PRKCE: variants seen among roughly 807,000 people sequenced by gnomAD.
PRKCE encodes the protein protein kinase C epsilon, also known as protein kinase C epsilon type.
A neutral mutation model predicts 85.4 loss-of-function variants in PRKCE; 16 were observed. The ratio of observed to expected loss-of-function variants is 0.19; its 90% CI spans 0.13 to 0.28. The LOEUF (loss-of-function observed/expected upper bound fraction) is 0.28. Among genes scored for constraint, PRKCE ranks in the 10% least tolerant of loss-of-function variants. The pLI, the probability that PRKCE is intolerant of heterozygous loss-of-function variation, is 1.00. For synonymous variants in PRKCE, 388 were observed against 371.5 expected (o/e 1.04, Z -0.51); for missense variants, 573 against 975.2 (o/e 0.59, Z 5.49).
intron 2 of PRKCE, among the ~76,000 whole-genome samples, chr2:45,965,724 CTTA>C (rs1368274593): frequency 6.6e-6 from 1 of 152,216 alleles, no homozygotes; most frequent in Non-Finnish European, 1.5e-5. Flanking sequence ...GGATGAATAG[CTTA>C]TTATATACCC....
intron 10 of PRKCE, among the ~76,000 whole-genome samples, chr2:46,023,758 C>G (rs919014291): frequency 6.6e-6 from 1 of 152,074 alleles, no homozygotes; most frequent in East Asian, 1.9e-4. Context: ...CAGAACTGTG[C>G]CCCCCACTGC....
chr2:45,932,077 C>A (rs1287437369), intron 2 of PRKCE, among the ~76,000 whole-genome samples: 2 of 152,180 alleles, frequency 1.3e-5, no homozygotes, highest in East Asian at 1.9e-4. Context: ...AGAACATGGC[C>A]AGCCCCCTCC....
intron 1 of PRKCE, among the ~76,000 whole-genome samples, chr2:45,766,510 C>T (rs951740986): frequency 5.3e-5 from 8 of 152,020 alleles, no homozygotes; most frequent in African/African-American, 1.9e-4. Flanking sequence ...AATGGGGACA[C>T]GGAGACAGAG....
rs573787990 is a variant in PRKCE at position 45,703,829 on chromosome 2, A to T, written c.348+51381A>T. ...CTATCTTTAACTATGCAGCCTGTTC[A>T]CTCATAACAAAAAAATTCCTATTCT... is the stretch of plus-strand genomic sequence containing the variant. On this transcript the variant is annotated intron_variant, in intron 1 of 14. Transcript: ENST00000306156. Among the ~76,000 whole-genome samples the T allele has an allele frequency of 5.9e-5, 9 of 152,252 alleles. No homozygotes were observed. The South Asian group carries it at 1.7e-3, about 28-fold the overall frequency.
intron 1 of PRKCE, among the ~76,000 whole-genome samples, chr2:45,814,645 C>T (rs1422722724): frequency 6.6e-6 from 1 of 152,244 alleles, no homozygotes; most frequent in Non-Finnish European, 1.5e-5. Context: ...ACCAATTCTC[C>T]TGGGGTCTGT....
At chr2:45,885,423 G>A (rs563891457) in intron 2 of PRKCE, among the ~76,000 whole-genome samples, 29 of 152,214 alleles carry the variant, frequency 1.9e-4, no homozygotes, top group African/African-American at 6.7e-4. Context: ...ATTTATATTC[G>A]CAGCCCATTC....
At chr2:45,703,266 G>A (rs1226966367) in intron 1 of PRKCE, among the ~76,000 whole-genome samples, 2 of 152,064 alleles carry the variant, frequency 1.3e-5, no homozygotes, top group Non-Finnish European at 2.9e-5. Context: ...TGGGTGTGGT[G>A]GCTCACATCT....
rs72870768 is a variant in PRKCE, at chr2:45,814,886, G to C, written c.349-28114G>C. Among the ~76,000 whole-genome samples the C allele has an allele frequency of 7.7e-3, 1,179 of 152,286 alleles. 17 individuals are homozygous for C. Among genetic ancestry groups the C allele is most frequent in the African/African-American group, 0.027 (1,130 of 41,554 alleles). Reference sequence around the variant, plus strand: ...GCCCTTATTAGGAGAAGAGACCCAAGAAGGGTCCCGTGCTTTGGAGGCTGT... The same window carrying C: ...GCCCTTATTAGGAGAAGAGACCCAACAAGGGTCCCGTGCTTTGGAGGCTGT... On this transcript the variant is annotated intron_variant, in intron 1 of 14. Coordinates refer to ENST00000306156, the MANE Select transcript of PRKCE (RefSeq NM_005400.3).
At chr2:46,013,542 G>A (rs549602880) in intron 10 of PRKCE, among the ~76,000 whole-genome samples, 142 of 152,278 alleles carry the variant, frequency 9.3e-4, no homozygotes, top group African/African-American at 3.2e-3. Context: ...GCTGGGTTTG[G>A]TAGCCACAGA....
At chr2:46,095,202 C>A (rs539569116) in intron 11 of PRKCE, among the ~76,000 whole-genome samples, 2 of 152,304 alleles carry the variant, frequency 1.3e-5, no homozygotes, top group Non-Finnish European at 2.9e-5. Flanking sequence ...AGTTGGGGAA[C>A]CTCAGACTAT....
At chr2:46,146,893 A>T (rs1052124512) in intron 12 of PRKCE, among the ~76,000 whole-genome samples, 4 of 152,172 alleles carry the variant, frequency 2.6e-5, no homozygotes, top group Non-Finnish European at 5.9e-5. Flanking sequence ...TGGGATAAAG[A>T]CCCAGTGAAT....
intron 2 of PRKCE, among the ~76,000 whole-genome samples, chr2:45,958,821 T>G: frequency 1.2e-4 from 1 of 8,330 alleles, no homozygotes; most frequent in South Asian, 7.9e-3. Context: ...TATATATTTT[T>G]TTTTTTTTTT....
At chr2:46,168,596 A>G (rs1678574974) in intron 14 of PRKCE, among the ~76,000 whole-genome samples, 1 of 152,192 alleles carries the variant, frequency 6.6e-6, no homozygotes, top group African/African-American at 2.4e-5. Flanking sequence ...GCAAGGAAAG[A>G]ATCTTCTGCC....
At chr2:46,007,401 C>T (rs1705296691) in intron 8 of PRKCE, 61 bp from the exon 9 acceptor site, 3 of 1,541,826 alleles carry the variant, frequency 1.9e-6, no homozygotes, top group Non-Finnish European at 2.7e-6. Context: ...AGTGTTGAGT[C>T]CTAATGTAAC....
chr2:45,837,364 C>T (rs1442411362), intron 1 of PRKCE, among the ~76,000 whole-genome samples: 1 of 152,236 alleles, frequency 6.6e-6, no homozygotes, highest in Non-Finnish European at 1.5e-5. Flanking sequence ...TCAAGCGATT[C>T]TCCTGCCTCA....
chr2:45,973,556 T>G (rs910277818), intron 2 of PRKCE, among the ~76,000 whole-genome samples: 1 of 152,332 alleles, frequency 6.6e-6, no homozygotes, highest in East Asian at 1.9e-4. Context: ...AACTTAGAAC[T>G]CTGACTTACA....
chr2:46,178,950 G>A (rs1207995943), intron 14 of PRKCE, among the ~76,000 whole-genome samples: 1 of 152,132 alleles, frequency 6.6e-6, no homozygotes, highest in African/African-American at 2.4e-5. Context: ...ATAAGAAGGA[G>A]CCTCACGTGG....
chr2:45,968,159 G>T (rs1457185250), intron 2 of PRKCE, among the ~76,000 whole-genome samples: 1 of 152,166 alleles, frequency 6.6e-6, no homozygotes, highest in Non-Finnish European at 1.5e-5. Flanking sequence ...GTCTGTGTGT[G>T]TTAGAAATTC....
At chr2:46,126,667 A>G (rs956758306) in intron 11 of PRKCE, among the ~76,000 whole-genome samples, 1 of 152,166 alleles carries the variant, frequency 6.6e-6, no homozygotes, top group African/African-American at 2.4e-5. Flanking sequence ...ATTCTTTTTT[A>G]GCTTTCTTGT....
Sources: gnomAD v4.1 joint callset for allele counts (sites outside exome capture counted in the v4.1 genomes callset) on GRCh38, gnomAD v4.1.1 for gene constraint, MANE v1.5 for transcripts, NCBI Gene and HGNC (gene_info 2026-07-23, HGNC 2026-07-21) for gene names.